Variants in C2orf76 observed in about 807,000 individuals in gnomAD.
C2orf76 encodes chromosome 2 open reading frame 76.
A neutral mutation model predicts 16.9 loss-of-function variants in C2orf76; 23 were observed. That is an observed-to-expected ratio of 1.36 (90% CI 0.98 to 1.93). The LOEUF (loss-of-function observed/expected upper bound fraction) is 1.93. Among genes scored for constraint, C2orf76 ranks in the 30% most tolerant of loss-of-function variants. The pLI is 0.00. For synonymous variants in C2orf76, 48 were observed against 52.3 expected, an observed-to-expected ratio of 0.92 and a Z score of 0.35; for missense variants, 152 against 152.6, an observed-to-expected ratio of 1.00 and a Z score of 0.02.
the C2orf76 span, among the ~76,000 whole-genome samples, chr2:119,295,919 T>C: frequency 1.3e-5 from 2 of 152,138 alleles, no homozygotes; most frequent in African/African-American, 2.4e-5. Context: ...ATCCTGTATG[T>C]TTAAGTCATG....
At chr2:119,364,084 G>A (rs1680842254) in intron 1 of C2orf76, among the ~76,000 whole-genome samples, 1 of 151,856 alleles carries the variant, frequency 6.6e-6, no homozygotes, top group African/African-American at 2.4e-5. Context: ...GAAAGGGGGA[G>A]GGAGAGAGAG....
chr2:119,351,871 G>A (rs1680418891), intron 1 of C2orf76, among the ~76,000 whole-genome samples: 1 of 152,208 alleles, frequency 6.6e-6, no homozygotes, highest in South Asian at 2.1e-4. Flanking sequence ...AAAGTGCCAT[G>A]AATATTGCTT....
intron 2 of C2orf76, among the ~76,000 whole-genome samples, chr2:119,330,515 T>C (rs13408651): frequency 0.26 from 39,806 of 152,026 alleles, 5,556 homozygotes; most frequent in Middle Eastern, 0.3. Flanking sequence ...GTTAAGCAGT[T>C]AGATTATGGT....
At chr2:119,355,271 T>C (rs906224947) in intron 1 of C2orf76, among the ~76,000 whole-genome samples, 2 of 152,226 alleles carry the variant, frequency 1.3e-5, no homozygotes, top group African/African-American at 2.4e-5. Context: ...GAGACATTTC[T>C]CCATGGGTCT....
chr2:119,346,397 T>G (rs1458787976), intron 1 of C2orf76, among the ~76,000 whole-genome samples: 1 of 152,192 alleles, frequency 6.6e-6, no homozygotes, highest in South Asian at 2.1e-4. Flanking sequence ...AAATGCCCTT[T>G]AACATATGAA....
At chr2:119,287,179 CCTGACAGGGCAAGCA>C in the C2orf76 span, among the ~76,000 whole-genome samples, 1 of 152,194 alleles carries the variant, frequency 6.6e-6, no homozygotes, top group East Asian at 1.9e-4. Flanking sequence ...TTTAGTGAGG[CCTGACAGGGCAAGCA>C]CTTGATAAAT....
intron 1 of C2orf76, among the ~76,000 whole-genome samples, chr2:119,347,658 G>T (rs1016213808): frequency 6.6e-6 from 1 of 152,068 alleles, no homozygotes; most frequent in African/African-American, 2.4e-5. Context: ...GATCACTTAA[G>T]CGCAGGAGTT....
At chr2:119,345,909 A>T (rs559434141) in intron 1 of C2orf76, among the ~76,000 whole-genome samples, 1 of 151,934 alleles carries the variant, frequency 6.6e-6, no homozygotes, top group South Asian at 2.1e-4. Flanking sequence ...AAAATACAAA[A>T]AATTAGCCGG....
At chr2:119,289,369 G>A in the C2orf76 span, among the ~76,000 whole-genome samples, 6 of 152,118 alleles carry the variant, frequency 3.9e-5, no homozygotes, top group Admixed American at 2.6e-4. Context: ...GTCTGGAAGC[G>A]TCTACCAGCT....
intron 1 of C2orf76, among the ~76,000 whole-genome samples, chr2:119,355,661 G>A (rs1039403112): frequency 2.6e-5 from 4 of 152,116 alleles, no homozygotes; most frequent in Non-Finnish European, 4.4e-5. Flanking sequence ...GCATATGAGG[G>A]ATCTAGGTTG....
intron 1 of C2orf76, among the ~76,000 whole-genome samples, chr2:119,361,992 A>C (rs35604357): frequency 0.012 from 1,757 of 152,150 alleles, 47 homozygotes; most frequent in Non-Finnish European, 0.011. Context: ...ACCAGATTTT[A>C]ATACAGTGGC....
intron 1 of C2orf76, among the ~76,000 whole-genome samples, chr2:119,357,457 T>A (rs866688870): frequency 1.5e-4 from 23 of 152,210 alleles, no homozygotes; most frequent in South Asian, 8.3e-4. Context: ...AAAAATCACA[T>A]GATCACATCA....
intron 5 of C2orf76, among the ~76,000 whole-genome samples, chr2:119,303,099 C>A (rs543826277): frequency 5.3e-4 from 81 of 152,196 alleles, no homozygotes; most frequent in Non-Finnish European, 9.8e-4. Flanking sequence ...ATGATTAATT[C>A]ATGCGGCTTC....
chr2:119,337,146 C>T (rs1403619691), intron 2 of C2orf76, among the ~76,000 whole-genome samples: 10 of 151,842 alleles, frequency 6.6e-5, no homozygotes, highest in African/African-American at 2.4e-4. Context: ...GCCTCAACTT[C>T]ATGGGCTCAA....
At chr2:119,340,113 A>G (rs1027474000) in intron 1 of C2orf76, 142 bp from the exon 2 acceptor site, 2 of 897,672 alleles carry the variant, frequency 2.2e-6, no homozygotes, top group South Asian at 1.9e-5. Flanking sequence ...CCCAAACAGA[A>G]GCCAGGTTCC....
chr2:119,364,851 G>A (rs1267146193), intron 1 of C2orf76, among the ~76,000 whole-genome samples: 1 of 151,966 alleles, frequency 6.6e-6, no homozygotes, highest in Non-Finnish European at 1.5e-5. Context: ...GGCCAAAGTG[G>A]GAGAATCCCT....
chr2:119,339,575 T>TAA (rs11443971), intron 2 of C2orf76, among the ~76,000 whole-genome samples: 153 of 141,678 alleles, frequency 1.1e-3, no homozygotes, highest in South Asian at 3.7e-3. Context: ...TACTTTTAAT[T>TAA]AAAAAAAAAA....
the C2orf76 span, among the ~76,000 whole-genome samples, chr2:119,284,681 G>GA: frequency 7.5e-6 from 1 of 133,792 alleles, no homozygotes; most frequent in African/African-American, 2.7e-5. Flanking sequence ...TGGGATTTTG[G>GA]TTTTTTTTTT....
intron 1 of C2orf76, among the ~76,000 whole-genome samples, chr2:119,359,555 C>T (rs901454722): frequency 6.6e-6 from 1 of 152,116 alleles, no homozygotes; most frequent in African/African-American, 2.4e-5. Context: ...ATCAAAATAG[C>T]AACATTAATA....
Sources: allele counts gnomAD v4.1 joint callset (sites outside exome capture counted in the v4.1 genomes callset), GRCh38; gene constraint gnomAD v4.1.1; transcripts MANE v1.5; gene names NCBI Gene and HGNC (gene_info 2026-07-23, HGNC 2026-07-21).